CDH20: variants seen among roughly 807,000 people sequenced by gnomAD.
CDH20 encodes the protein cadherin 20.
CDH20 carries 29 observed loss-of-function variants against 74.2 expected under a neutral mutation model. The ratio of observed to expected loss-of-function variants is 0.39; its 90% confidence interval spans 0.29 to 0.53. The LOEUF (loss-of-function observed/expected upper bound fraction) is 0.53. Among genes scored for constraint, CDH20 ranks in the 20% least tolerant of loss-of-function variants. The probability of loss-of-function intolerance (pLI) is 0.69; values close to 1 mark genes in which losing one functional copy is unlikely to be tolerated. For missense variants in CDH20, 988 were observed against 1,048.3 expected, an observed-to-expected ratio of 0.94 and a Z score of 0.79; for synonymous variants, 469 against 405.4, an observed-to-expected ratio of 1.16 and a Z score of -1.88.
intron 1 of CDH20, among the ~76,000 whole-genome samples, chr18:61,449,402 C>T (rs1037073895): frequency 8.5e-5 from 13 of 152,168 alleles, no homozygotes; most frequent in African/African-American, 2.6e-4. Context: ...TGTCACTCAG[C>T]CTTACCTTGC....
At chr18:61,447,387 G>C (rs1909236578) in intron 1 of CDH20, among the ~76,000 whole-genome samples, 1 of 152,186 alleles carries the variant, frequency 6.6e-6, no homozygotes, top group Non-Finnish European at 1.5e-5. Flanking sequence ...AAAACGTTAA[G>C]TATGGTTATG....
At chr18:61,402,580 C>T (rs987496803) in intron 1 of CDH20, among the ~76,000 whole-genome samples, 1 of 152,128 alleles carries the variant, frequency 6.6e-6, no homozygotes, top group Non-Finnish European at 1.5e-5. Flanking sequence ...AATAACCTGC[C>T]TGATGGTATT....
intron 1 of CDH20, among the ~76,000 whole-genome samples, chr18:61,428,427 C>G (rs1366253052): frequency 1.3e-5 from 2 of 152,140 alleles, no homozygotes; most frequent in Non-Finnish European, 2.9e-5. Flanking sequence ...CTCCTTTGAT[C>G]TGGTTCATTG....
At chr18:61,536,709 G>A in intron 8 of CDH20, 80 bp downstream of exon 8, 2 of 1,287,110 alleles carry the variant, frequency 1.6e-6, no homozygotes, top group South Asian at 1.3e-5. Flanking sequence ...AGAACTTGTT[G>A]TAACAAAAAT....
At chr18:61,363,494 G>T (rs371576679) in intron 1 of CDH20, among the ~76,000 whole-genome samples, 1 of 152,066 alleles carries the variant, frequency 6.6e-6, no homozygotes, top group Non-Finnish European at 1.5e-5. Context: ...AATAAGAGAC[G>T]TCAAGAAAAT....
At chr18:61,434,841 TAATTG>T (rs1349142822) in intron 1 of CDH20, among the ~76,000 whole-genome samples, 3 of 152,204 alleles carry the variant, frequency 2.0e-5, no homozygotes, top group African/African-American at 7.2e-5. Flanking sequence ...AAGTGAATGT[TAATTG>T]AATTATTTCT....
At chr18:61,499,680 G>A (rs1460850305) in intron 3 of CDH20, among the ~76,000 whole-genome samples, 200 bp downstream of exon 3, 1 of 152,154 alleles carries the variant, frequency 6.6e-6, no homozygotes, top group Non-Finnish European at 1.5e-5. Context: ...ATAGACATTG[G>A]AATCAACCAG....
Position 61,555,545 on chromosome 18 carries a change from C to G in CDH20, c.*850C>G, listed in dbSNP as rs985211912. 2 of 985,382 alleles carry G rather than the reference C, an allele frequency of 2.0e-6. No homozygotes were observed. Among genetic ancestry groups the G allele is most frequent in the Non-Finnish European group, 2.4e-6 (2 of 829,922 alleles). The allele number at this position is 985,382 out of a possible 1,614,324, so 61.0% of individuals were successfully genotyped here. On this transcript the variant is annotated 3_prime_UTR_variant, in exon 12 of 12. Transcript: ENST00000262717. ...TGAAAGCCAAATAAAAAAGAAGTAT[C>G]TGACAAAAGCATGGGTTAGAGGGCT...
Position 61,554,932 on chromosome 18 carries a change from A to G in CDH20, c.*237A>G. On this transcript the variant is annotated 3_prime_UTR_variant, in exon 12 of 12. Transcript: ENST00000262717. ...ATTACCTTTTTTTCTTTTCTTTTTGATTTTTCTGACACTGTGTGCGAAGGC... is the reference window on the plus strand; with the variant it reads ...ATTACCTTTTTTTCTTTTCTTTTTGGTTTTTCTGACACTGTGTGCGAAGGC... The G allele has an allele frequency of 7.3e-7, 1 of 1,363,418 alleles. No homozygotes were observed. Among genetic ancestry groups the G allele is most frequent in the Non-Finnish European group, 9.4e-7 (1 of 1,059,526 alleles). 84.5% of individuals were successfully genotyped at this position (1,363,418 alleles called of 1,614,324 possible).
chr18:61,428,428 T>C (rs1420871302), intron 1 of CDH20, among the ~76,000 whole-genome samples: 4 of 152,304 alleles, frequency 2.6e-5, no homozygotes, highest in African/African-American at 7.2e-5. Context: ...TCCTTTGATC[T>C]GGTTCATTGT....
chr18:61,451,088 C>G lies in CDH20; in HGVS notation c.-152-39314C>G, dbSNP rs12607435. Among the ~76,000 whole-genome samples, 851 of 151,604 alleles carry G rather than the reference C, an allele frequency of 5.6e-3. 19 individuals are homozygous for G. In the East Asian group the frequency reaches 0.096, roughly 17 times the overall value. On this transcript the variant is annotated intron_variant, in intron 1 of 11. Transcript: ENST00000262717. ...TATTTTGATATATATTGCTAAATTG[C>G]CTTTCAGAAAGGCAACTAATCAATT...
At chr18:61,539,886 C>T (rs1385957276) in intron 9 of CDH20, among the ~76,000 whole-genome samples, 1 of 152,050 alleles carries the variant, frequency 6.6e-6, no homozygotes, top group Admixed American at 6.6e-5. Context: ...GAAAGTAATC[C>T]AAAAGGATAA....
chr18:61,352,681 A>G (rs1210911362), intron 1 of CDH20, among the ~76,000 whole-genome samples: 1 of 152,214 alleles, frequency 6.6e-6, no homozygotes, highest in African/African-American at 2.4e-5. Context: ...GGCAAATAAG[A>G]CCACAATATT....
At chr18:61,506,919 G>A (rs956420901) in intron 5 of CDH20, among the ~76,000 whole-genome samples, 2 of 151,934 alleles carry the variant, frequency 1.3e-5, no homozygotes, top group Admixed American at 6.6e-5. Context: ...CTGGAGACAG[G>A]CACTCAGCAC....
intron 1 of CDH20, among the ~76,000 whole-genome samples, chr18:61,398,864 G>C (rs1912070007): frequency 6.6e-6 from 1 of 152,198 alleles, no homozygotes; most frequent in African/African-American, 2.4e-5. Context: ...TATATTTACT[G>C]TGGGAAGATC....
chr18:61,338,993 T>C (rs955876778), intron 1 of CDH20, among the ~76,000 whole-genome samples: 2 of 152,196 alleles, frequency 1.3e-5, no homozygotes, highest in African/African-American at 4.8e-5. Flanking sequence ...TTAAATAAAT[T>C]TGTAATATTT....
intron 1 of CDH20, among the ~76,000 whole-genome samples, chr18:61,342,150 T>C (rs1367018351): frequency 2.6e-5 from 4 of 152,190 alleles, no homozygotes; most frequent in Non-Finnish European, 5.9e-5. Flanking sequence ...GATTTCTTCA[T>C]GAAATACCAA....
At chr18:61,425,144 A>G (rs1260539307) in intron 1 of CDH20, among the ~76,000 whole-genome samples, 1 of 151,470 alleles carries the variant, frequency 6.6e-6, no homozygotes, top group Non-Finnish European at 1.5e-5. Flanking sequence ...CCTGAAAACA[A>G]CTTACTGAAG....
chr18:61,448,796 G>A (rs1909284471), intron 1 of CDH20, among the ~76,000 whole-genome samples: 1 of 152,168 alleles, frequency 6.6e-6, no homozygotes, highest in South Asian at 2.1e-4. Context: ...TTAAGAAGTG[G>A]ATAGACTGTT....
Sources: gnomAD v4.1 joint callset for allele counts (sites outside exome capture counted in the v4.1 genomes callset) on GRCh38, gnomAD v4.1.1 for gene constraint, MANE v1.5 for transcripts, NCBI Gene and HGNC (gene_info 2026-07-23, HGNC 2026-07-21) for gene names.